The following ZFHX3 variants were observed in gnomAD, a reference collection of about 807,000 sequenced individuals.
ZFHX3 encodes zinc finger homeobox protein 3.
Under a neutral mutation model 279.1 loss-of-function variants are expected in ZFHX3, and 42 were observed. The ratio of observed to expected loss-of-function variants is 0.15; its 90% confidence interval spans 0.12 to 0.19. The LOEUF (loss-of-function observed/expected upper bound fraction) is 0.19. ZFHX3 is among the 10% of genes least tolerant of loss of function. The pLI, the probability that ZFHX3 is intolerant of heterozygous loss-of-function variation, is 1.00. For missense variants in ZFHX3, 4,981 were observed against 4,754.0 expected (o/e 1.05, Z -1.40); for synonymous variants, 2,293 against 1,957.8 (o/e 1.17, Z -4.52).
intron 4 of ZFHX3, among the ~76,000 whole-genome samples, chr16:72,851,222 C>A (rs2037609330): frequency 6.6e-6 from 1 of 152,002 alleles, no homozygotes; most frequent in Non-Finnish European, 1.5e-5. Context: ...AGGGTGGGGA[C>A]CAACAGATAC....
At chr16:72,933,393 G>A (rs1009853044) in intron 3 of ZFHX3, among the ~76,000 whole-genome samples, 16 of 152,094 alleles carry the variant, frequency 1.1e-4, no homozygotes, top group African/African-American at 2.2e-4. Context: ...CAGTGGAGCC[G>A]AGAGAGGAGA....
At chr16:72,931,200 A>G (rs1959777195) in intron 3 of ZFHX3, among the ~76,000 whole-genome samples, 1 of 152,162 alleles carries the variant, frequency 6.6e-6, no homozygotes, top group South Asian at 2.1e-4. Flanking sequence ...TACTTTCCAG[A>G]TCCACTTATG....
intron 3 of ZFHX3, among the ~76,000 whole-genome samples, chr16:72,925,226 CCCCACTTCCCAGAAGCTGG>C (rs1326849772): frequency 1.3e-5 from 2 of 152,228 alleles, no homozygotes; most frequent in East Asian, 3.8e-4. Context: ...CCCACTCTTC[CCCCACTTCCCAGAAGCTGG>C]CCCACTTCTT....
intron 1 of ZFHX3, among the ~76,000 whole-genome samples, chr16:73,682,306 T>C (rs964337892): frequency 6.6e-6 from 1 of 152,150 alleles, no homozygotes; most frequent in Admixed American, 6.5e-5. Context: ...TTATATATAT[T>C]TTGACAATAA....
chr16:73,014,126 G>A lies in ZFHX3; in HGVS notation c.-50+33626C>T, dbSNP rs150126521. ...CATGACACAGAGTGATGTGAGGAAG[G>A]GGCCATCAACCCAGAAATGTGGGGG... is the stretch of plus-strand genomic sequence containing the variant. On this transcript the variant is annotated intron_variant, in intron 1 of 9. Coordinates refer to ENST00000268489, the MANE Select transcript of ZFHX3 (RefSeq NM_006885.4). 3.7e-3 allele frequency among the ~76,000 whole-genome samples: 560 copies of A among 152,138 alleles called. 3 individuals carry two copies. The highest frequency in any genetic ancestry group is 6.8e-3 in the Middle Eastern group (2 of 294).
intron 4 of ZFHX3, among the ~76,000 whole-genome samples, chr16:73,282,519 A>G (rs77614955): frequency 0.06 from 9,088 of 152,072 alleles, 369 homozygotes; most frequent in Middle Eastern, 0.1. Flanking sequence ...CTTTATATTG[A>G]TCACTTTTTG....
At position 73,297,432 on chromosome 16, in the gene ZFHX3, A is replaced by T. The variant is rs537783521; in HGVS notation, c.-1194+20808T>A. 4.2e-4 allele frequency among the ~76,000 whole-genome samples: 64 copies of T among 152,188 alleles called. 1 individual carries two copies. The highest frequency in any genetic ancestry group is 3.4e-3 in the Middle Eastern group (1 of 294). ...CTGGTAACCCTGTTATCTTACATGG[A>T]CACAGTAGGAGCCCTACAAACATGT... On this transcript the variant is annotated intron_variant, in intron 4 of 17. Transcript: ENST00000641206.
intron 3 of ZFHX3, among the ~76,000 whole-genome samples, chr16:73,454,628 C>A (rs577191759): frequency 6.7e-6 from 1 of 149,372 alleles, no homozygotes; most frequent in Non-Finnish European, 1.5e-5. Context: ...TTTTTCTATT[C>A]ACTCCCCAGT....
intron 7 of ZFHX3, among the ~76,000 whole-genome samples, chr16:73,122,618 T>C (rs1387263564): frequency 6.6e-6 from 1 of 152,176 alleles, no homozygotes; most frequent in Admixed American, 6.5e-5. Context: ...TGGGGGGCCA[T>C]CAGGGGATTC....
chr16:72,787,460 A>AGGG lies in ZFHX3; in HGVS notation c.10813_10815dup (p.Pro3605dup). 9.6e-7 allele frequency: 1 copy of AGGG among 1,037,950 alleles called. No homozygotes were observed. The highest frequency in any genetic ancestry group is 2.0e-5 in the South Asian group (1 of 49,120). 64.3% of individuals were successfully genotyped at this position (1,037,950 alleles called of 1,614,324 possible). On this transcript the variant is annotated inframe_insertion, in exon 10 of 10. Coordinates refer to ENST00000268489, the MANE Select transcript of ZFHX3 (RefSeq NM_006885.4). The stretch of plus-strand genomic sequence containing the variant: ...CTGGAGGCGTGGGGGGAAGCGGAGG[A>AGGG]GGGGGCGGCGGCCGACGGGGGAGGG...
At chr16:73,080,433 T>A (rs1965930160) in intron 8 of ZFHX3, among the ~76,000 whole-genome samples, 2 of 152,224 alleles carry the variant, frequency 1.3e-5, no homozygotes, top group African/African-American at 2.4e-5. Context: ...CCACCTAGTC[T>A]ATGATATTTT....
At chr16:72,907,302 C>T (rs180853282) in intron 3 of ZFHX3, among the ~76,000 whole-genome samples, 385 of 152,220 alleles carry the variant, frequency 2.5e-3, no homozygotes, top group South Asian at 0.015. Flanking sequence ...GTCTTTCTTC[C>T]GGCTTTGATT....
chr16:73,805,665 G>T (rs1284661088), intron 1 of ZFHX3, among the ~76,000 whole-genome samples: 2 of 152,222 alleles, frequency 1.3e-5, no homozygotes, highest in Non-Finnish European at 2.9e-5. Flanking sequence ...GATGTACAGG[G>T]CACTGCCCTA....
intron 3 of ZFHX3, among the ~76,000 whole-genome samples, chr16:73,455,613 T>A (rs1038875953): frequency 6.6e-6 from 1 of 152,204 alleles, no homozygotes; most frequent in African/African-American, 2.4e-5. Flanking sequence ...AAAGGACTTA[T>A]TAGAATTTCA....
At chr16:73,783,834 A>T (rs1008525741) in intron 1 of ZFHX3, among the ~76,000 whole-genome samples, 14 of 152,196 alleles carry the variant, frequency 9.2e-5, no homozygotes, top group Non-Finnish European at 1.3e-4. Flanking sequence ...TCATACAGCT[A>T]GTAAGAAGTA....
At chr16:73,549,060 C>T (rs1461358980) in intron 2 of ZFHX3, among the ~76,000 whole-genome samples, 8 of 152,108 alleles carry the variant, frequency 5.3e-5, no homozygotes, top group Admixed American at 2.0e-4. Flanking sequence ...AGGAATTGTT[C>T]ACAAGGTGAT....
In ZFHX3 at chr16:73,802,162, C is replaced by CT. The variant is rs370752968; in HGVS notation, c.-1608+89488dup. ...AATATGTTAGATGCAAAATGTGTGA[C>CT]TTTTTTTTTTAAATAAGTTGATTCT... is the stretch of plus-strand genomic sequence containing the variant. On this transcript the variant is annotated intron_variant, in intron 1 of 17. Transcript: ENST00000641206. Among the ~76,000 whole-genome samples, 1,115 of 149,980 alleles carry CT rather than the reference C, an allele frequency of 7.4e-3. 9 individuals carry two copies. Among genetic ancestry groups the CT allele is most frequent in the African/African-American group, 9.4e-3 (384 of 40,972 alleles).
intron 2 of ZFHX3, among the ~76,000 whole-genome samples, chr16:73,501,909 G>A (rs1447271306): frequency 6.6e-6 from 1 of 152,142 alleles, no homozygotes; most frequent in Non-Finnish European, 1.5e-5. Context: ...CCTCTCTGGG[G>A]AAGGACTTTG....
intron 1 of ZFHX3, among the ~76,000 whole-genome samples, chr16:73,692,887 A>G (rs2142208847): frequency 6.6e-6 from 1 of 152,352 alleles, no homozygotes; most frequent in East Asian, 1.9e-4. Flanking sequence ...GAATGAAACA[A>G]ATGTTTTAAA....
Sources: allele counts gnomAD v4.1 joint callset (sites outside exome capture counted in the v4.1 genomes callset), GRCh38; gene constraint gnomAD v4.1.1; transcripts MANE v1.5; gene names NCBI Gene and HGNC (gene_info 2026-07-23, HGNC 2026-07-21).